Variants in ZSWIM6 observed in about 807,000 individuals in gnomAD.
ZSWIM6 encodes the protein zinc finger SWIM domain-containing protein 6.
In ZSWIM6, 9 loss-of-function variants were observed where a neutral mutation model predicts 113.2. That is an observed-to-expected ratio of 0.08 (90% CI 0.05 to 0.14). The LOEUF is 0.14. Ranked by LOEUF, ZSWIM6 falls within the 10% of genes least tolerant of loss-of-function variation. The pLI, the probability that ZSWIM6 is intolerant of heterozygous loss-of-function variation, is 1.00. For synonymous variants in ZSWIM6, 611 were observed against 606.5 expected, an observed-to-expected ratio of 1.01 and a Z score of -0.11; for missense variants, 1,162 against 1,552.2, an observed-to-expected ratio of 0.75 and a Z score of 4.22.
At chr5:61,456,879 T>G (rs1747214346) in intron 1 of ZSWIM6, among the ~76,000 whole-genome samples, 2 of 149,158 alleles carry the variant, frequency 1.3e-5, no homozygotes, top group Non-Finnish European at 3.0e-5. Context: ...AGATTAAACC[T>G]TATCCAATTT....
chr5:61,343,010 G>A (rs1423918173), intron 1 of ZSWIM6, among the ~76,000 whole-genome samples: 1 of 152,120 alleles, frequency 6.6e-6, no homozygotes, highest in African/African-American at 2.4e-5. Flanking sequence ...TAACTTGCAG[G>A]TTAGATCTAA....
intron 4 of ZSWIM6, among the ~76,000 whole-genome samples, chr5:61,512,218 G>A (rs999575641): frequency 3.9e-5 from 6 of 152,116 alleles, no homozygotes; most frequent in Admixed American, 2.6e-4. Flanking sequence ...TAATAAGCTT[G>A]TGTGTGTATA....
rs556794147 is a variant in ZSWIM6 at position 61,352,125 on chromosome 5, G to T, written c.676+19177G>T. 2.6e-5 allele frequency among the ~76,000 whole-genome samples: 4 copies of T among 152,256 alleles called. No individual in the cohort carries two copies. The South Asian group carries it at 8.3e-4, about 32-fold the overall frequency. On this transcript the variant is annotated intron_variant, in intron 1 of 13. Coordinates refer to ENST00000252744, the MANE Select transcript of ZSWIM6 (RefSeq NM_020928.2). ...CCTGCCTTTCAGATGTGTCTAGGCT[G>T]CCCTGCTACCTGCCTTTGCCTATGT...
intron 1 of ZSWIM6, among the ~76,000 whole-genome samples, chr5:61,457,590 C>T (rs1015740883): frequency 1.3e-5 from 2 of 152,036 alleles, no homozygotes; most frequent in African/African-American, 4.8e-5. Context: ...GGCGTGATCT[C>T]GGCTCACTAC....
chr5:61,423,416 A>AC (rs1746394863), intron 1 of ZSWIM6, among the ~76,000 whole-genome samples: 1 of 151,204 alleles, frequency 6.6e-6, no homozygotes, highest in South Asian at 2.2e-4. Context: ...CTCAAAAAAA[A>AC]AACACAAAAA....
chr5:61,515,245 C>A (rs552698046), intron 4 of ZSWIM6, among the ~76,000 whole-genome samples: 1 of 152,152 alleles, frequency 6.6e-6, no homozygotes, highest in Non-Finnish European at 1.5e-5. Context: ...TCCCCTGTCT[C>A]AGCCTCCAAA....
intron 1 of ZSWIM6, among the ~76,000 whole-genome samples, chr5:61,392,794 T>G (rs975440542): frequency 6.6e-6 from 1 of 151,970 alleles, no homozygotes; most frequent in African/African-American, 2.4e-5. Flanking sequence ...GTATTTTTAG[T>G]AGAGACAGGG....
intron 1 of ZSWIM6, among the ~76,000 whole-genome samples, chr5:61,381,756 C>T (rs951900507): frequency 1.3e-5 from 2 of 152,178 alleles, no homozygotes; most frequent in Non-Finnish European, 2.9e-5. Flanking sequence ...CTCTTTTTCC[C>T]TTTAGTAATT....
At chr5:61,333,023 C>A in intron 1 of ZSWIM6, 75 bp downstream of exon 1, 2 of 1,098,940 alleles carry the variant, frequency 1.8e-6, no homozygotes, top group Non-Finnish European at 2.2e-6. Context: ...CCGCCTTTCT[C>A]CTGCGGACAG....
chr5:61,428,395 C>T (rs889477921), intron 1 of ZSWIM6, among the ~76,000 whole-genome samples: 1 of 152,160 alleles, frequency 6.6e-6, no homozygotes, highest in Non-Finnish European at 1.5e-5. Flanking sequence ...TGGGGTCCCA[C>T]TCTGTCACCC....
chr5:61,529,912 A>C, intron 7 of ZSWIM6, 140 bp from the exon 8 acceptor site: 1 of 729,264 alleles, frequency 1.4e-6, no homozygotes, highest in Non-Finnish European at 2.1e-6. Context: ...TGGTTTCTTA[A>C]TTAAAAGAGA....
At chr5:61,439,968 C>T (rs1353085065) in intron 1 of ZSWIM6, among the ~76,000 whole-genome samples, 1 of 151,940 alleles carries the variant, frequency 6.6e-6, no homozygotes, top group Non-Finnish European at 1.5e-5. Context: ...ATCTGGATTG[C>T]CAGGAATATG....
At chr5:61,504,450 A>G (rs1489902482) in intron 4 of ZSWIM6, among the ~76,000 whole-genome samples, 1 of 152,252 alleles carries the variant, frequency 6.6e-6, no homozygotes, top group African/African-American at 2.4e-5. Flanking sequence ...ATTCACTAAT[A>G]GAATGAATTA....
At chr5:61,390,310 A>T (rs939325534) in intron 1 of ZSWIM6, among the ~76,000 whole-genome samples, 1 of 152,196 alleles carries the variant, frequency 6.6e-6, no homozygotes, top group Admixed American at 6.5e-5. Flanking sequence ...TGTGCCTTTT[A>T]TAAGGAATAA....
In ZSWIM6 at chr5:61,526,329, A is replaced by G. The variant is rs976654292; in HGVS notation, c.1770A>G (p.Ile590Met). Reference sequence around the variant, plus strand: ...CCAGAGAAGCACTGAGACTAGCAATAGCTATTGTTAATACATTAAGACGAC... The same window carrying G: ...CCAGAGAAGCACTGAGACTAGCAATGGCTATTGTTAATACATTAAGACGAC... ...GYPREALRLA[I>M]AIVNTLRRQQ... The change falls in exon 7 of 14, where the codon ATA becomes ATG. Residue 590 changes from isoleucine (I) to methionine (M), a missense_variant. Physicochemically the swap from Ile to Met is conservative, Grantham distance 10. Coordinates refer to ENST00000252744, the MANE Select transcript of ZSWIM6 (RefSeq NM_020928.2). 38 of 1,552,096 alleles carry G rather than the reference A, an allele frequency of 2.4e-5. No homozygotes were observed. In the Admixed American group the frequency reaches 5.5e-4, roughly 22 times the overall value.
chr5:61,485,728 A>C (rs1747999856), intron 2 of ZSWIM6, among the ~76,000 whole-genome samples: 1 of 152,184 alleles, frequency 6.6e-6, no homozygotes, highest in Admixed American at 6.5e-5. Flanking sequence ...ACACCATCAG[A>C]ATAGCATTAT....
intron 4 of ZSWIM6, among the ~76,000 whole-genome samples, chr5:61,494,645 A>G (rs1006063729): frequency 6.6e-6 from 1 of 152,092 alleles, no homozygotes; most frequent in African/African-American, 2.4e-5. Flanking sequence ...AGTTAAGTGC[A>G]GGAATCTCCC....
chr5:61,482,064 G>A (rs1747880083), intron 2 of ZSWIM6, among the ~76,000 whole-genome samples: 1 of 152,166 alleles, frequency 6.6e-6, no homozygotes, highest in African/African-American at 2.4e-5. Flanking sequence ...ATAAATACAT[G>A]AGTTATGTTT....
chr5:61,356,294 T>G (rs893214384), intron 1 of ZSWIM6, among the ~76,000 whole-genome samples: 4 of 152,192 alleles, frequency 2.6e-5, no homozygotes, highest in Non-Finnish European at 5.9e-5. Context: ...GCCCTTCACA[T>G]TATTTGAGAC....
Sources: gnomAD v4.1 joint callset for allele counts (sites outside exome capture counted in the v4.1 genomes callset) on GRCh38, gnomAD v4.1.1 for gene constraint, MANE v1.5 for transcripts, NCBI Gene and HGNC (gene_info 2026-07-23, HGNC 2026-07-21) for gene names.